Variants in FAM117A observed in about 807,000 individuals in gnomAD.
FAM117A encodes protein FAM117A.
Under a neutral mutation model 44.1 loss-of-function variants are expected in FAM117A, and 21 were observed. The observed-to-expected ratio is 0.48, with a 90% confidence interval of 0.34 to 0.69. The LOEUF is 0.69. Ranked by LOEUF, FAM117A falls within the 30% of genes least tolerant of loss-of-function variation. The pLI, the probability that FAM117A is intolerant of heterozygous loss-of-function variation, is 0.01. For missense variants in FAM117A, 498 were observed against 589.9 expected, an observed-to-expected ratio of 0.84 and a Z score of 1.61; for synonymous variants, 220 against 238.3, an observed-to-expected ratio of 0.92 and a Z score of 0.71.
chr17:49,724,222 A>C (rs2073548682), intron 2 of FAM117A, among the ~76,000 whole-genome samples: 1 of 152,048 alleles, frequency 6.6e-6, no homozygotes, highest in South Asian at 2.1e-4. Flanking sequence ...TCCTCTCCTC[A>C]AGGCTCCAGG....
chr17:49,764,193 T>G, upstream of FAM117A: 1 of 527,182 alleles, frequency 1.9e-6, no homozygotes, highest in Non-Finnish European at 3.0e-6. Flanking sequence ...GGCCCCCTCA[T>G]CCTAGAGCTG....
At chr17:49,780,195 G>A (rs543199938) in intron 1 of FAM117A, among the ~76,000 whole-genome samples, 5 of 152,272 alleles carry the variant, frequency 3.3e-5, no homozygotes, top group African/African-American at 7.2e-5. Context: ...AGAGGAACCC[G>A]TTCCTAGCCC....
intron 1 of FAM117A, 83 bp from the exon 2 acceptor site, chr17:49,732,803 TG>T: frequency 7.0e-7 from 1 of 1,433,756 alleles, no homozygotes; most frequent in South Asian, 1.3e-5. Flanking sequence ...CTAAGAGATG[TG>T]GCCTGCCTGC....
chr17:49,761,106 G>A (rs1275196880), intron 1 of FAM117A, among the ~76,000 whole-genome samples: 1 of 152,196 alleles, frequency 6.6e-6, no homozygotes, highest in Non-Finnish European at 1.5e-5. Flanking sequence ...CAGGATGTGT[G>A]GTGGGGAGAT....
chr17:49,772,045 A>G (rs2073762663), intron 1 of FAM117A, among the ~76,000 whole-genome samples: 1 of 152,140 alleles, frequency 6.6e-6, no homozygotes, highest in African/African-American at 2.4e-5. Flanking sequence ...TAATCCCAGC[A>G]ATTTGGGAAG....
intron 1 of FAM117A, among the ~76,000 whole-genome samples, chr17:49,750,902 G>A (rs1443309706): frequency 6.6e-6 from 1 of 152,188 alleles, no homozygotes; most frequent in African/African-American, 2.4e-5. Context: ...TATGAACCAT[G>A]GAAACAGCTT....
intron 1 of FAM117A, among the ~76,000 whole-genome samples, chr17:49,748,904 G>A (rs1033420027): frequency 2.0e-5 from 3 of 152,118 alleles, no homozygotes; most frequent in African/African-American, 4.8e-5. Flanking sequence ...GAAAGGGGCC[G>A]GCACACAAGC....
intron 1 of FAM117A, among the ~76,000 whole-genome samples, chr17:49,782,251 C>T (rs2073791734): frequency 6.6e-6 from 1 of 151,564 alleles, no homozygotes; most frequent in Admixed American, 6.6e-5. Flanking sequence ...GTGGTGGGCG[C>T]CTGTAGTCCC....
At chr17:49,781,835 G>A (rs1598039995) in intron 1 of FAM117A, among the ~76,000 whole-genome samples, 1 of 152,076 alleles carries the variant, frequency 6.6e-6, no homozygotes, top group African/African-American at 2.4e-5. Context: ...AAATTAGCGG[G>A]GTATGGTGGC....
At chr17:49,725,024 A>C (rs1253728817) in intron 2 of FAM117A, among the ~76,000 whole-genome samples, 1 of 152,070 alleles carries the variant, frequency 6.6e-6, no homozygotes. Context: ...GTCAACACCC[A>C]ACCCCTGGCC....
At chr17:49,747,865 G>T (rs1396937621) in intron 1 of FAM117A, among the ~76,000 whole-genome samples, 1 of 152,204 alleles carries the variant, frequency 6.6e-6, no homozygotes, top group Non-Finnish European at 1.5e-5. Context: ...CCCTGGTCTT[G>T]CTGGTTGTTC....
chr17:49,784,489 GCT>G (rs1168025930), intron 1 of FAM117A, among the ~76,000 whole-genome samples: 1 of 152,166 alleles, frequency 6.6e-6, no homozygotes, highest in African/African-American at 2.4e-5. Context: ...ACAGAAGGGT[GCT>G]GAACACTCTG....
At chr17:49,711,702 C>T (rs1052837528) in intron 7 of FAM117A, 147 bp from the exon 8 acceptor site, 4 of 676,220 alleles carry the variant, frequency 5.9e-6, no homozygotes, top group Non-Finnish European at 9.7e-6. Context: ...AAAACCAAGC[C>T]CCTCATCTCT....
At chr17:49,779,509 C>T (rs2073783586) in intron 1 of FAM117A, among the ~76,000 whole-genome samples, 2 of 152,166 alleles carry the variant, frequency 1.3e-5, no homozygotes, top group African/African-American at 4.8e-5. Flanking sequence ...AGTGCTTTGC[C>T]TGAGATCTCA....
intron 1 of FAM117A, among the ~76,000 whole-genome samples, chr17:49,736,084 GTA>G (rs1433251431): frequency 6.7e-6 from 1 of 148,656 alleles, no homozygotes; most frequent in African/African-American, 2.6e-5. Flanking sequence ...CTGTGTGTGT[GTA>G]TGTGTGTGTG....
In FAM117A at chr17:49,722,600, G is replaced by A. The variant is rs767558304; in HGVS notation, c.367-6C>T. 1.9e-6 allele frequency: 3 copies of A among 1,612,760 alleles called. No individual in the cohort carries two copies. The East Asian group carries it at 6.7e-5, about 36-fold the overall frequency. ...TCTTGCCAGGACAGGGGCGTCTGCA[G>A]GGAGAGAAACACAGTGAGACACAGC... is the stretch of plus-strand genomic sequence containing the variant. On this transcript the variant is annotated splice_region_variant and splice_polypyrimidine_tract_variant and intron_variant, in intron 2 of 7. Transcript: ENST00000240364.
chr17:49,775,018 C>T (rs2073771935), intron 1 of FAM117A, among the ~76,000 whole-genome samples: 1 of 151,968 alleles, frequency 6.6e-6, no homozygotes, highest in Admixed American at 6.6e-5. Flanking sequence ...CCCTCTGGCC[C>T]CCCTCTGTTG....
upstream of FAM117A, among the ~76,000 whole-genome samples, chr17:49,768,713 G>A (rs1250486399): frequency 6.6e-6 from 1 of 152,094 alleles, no homozygotes; most frequent in Non-Finnish European, 1.5e-5. Flanking sequence ...TGAGGTTATG[G>A]GAACAGAGTA....
chr17:49,778,160 C>T (rs1156791830), intron 1 of FAM117A, among the ~76,000 whole-genome samples: 2 of 152,200 alleles, frequency 1.3e-5, no homozygotes, highest in Non-Finnish European at 2.9e-5. Context: ...CCTATTCATA[C>T]TTTTCTTTTT....
Sources: allele counts gnomAD v4.1 joint callset (sites outside exome capture counted in the v4.1 genomes callset), GRCh38; gene constraint gnomAD v4.1.1; transcripts MANE v1.5; gene names NCBI Gene and HGNC (gene_info 2026-07-23, HGNC 2026-07-21).